Variants in TMCC2 observed in about 807,000 individuals in gnomAD.
The protein encoded by TMCC2 is transmembrane and coiled-coil domains protein 2.
Under a neutral mutation model 49.4 loss-of-function variants are expected in TMCC2, and 16 were observed. That is an observed-to-expected ratio of 0.32 (90% CI 0.22 to 0.49). The LOEUF is 0.49. TMCC2 is among the 20% of genes least tolerant of loss of function. The pLI is 0.99. For synonymous variants in TMCC2, 397 were observed against 434.1 expected (o/e 0.91, Z 1.06); for missense variants, 762 against 989.8 (o/e 0.77, Z 3.09).
At chr1:205,229,989 T>C (rs1215012285) in intron 1 of TMCC2, 1 of 985,508 alleles carries the variant, frequency 1.0e-6, no homozygotes, top group Non-Finnish European at 1.2e-6. Context: ...TGGAAATTGA[T>C]GCCTCACAGT....
chr1:205,268,105 G>T, intron 2 of TMCC2: 3 of 982,400 alleles, frequency 3.1e-6, no homozygotes, highest in Non-Finnish European at 3.6e-6. Context: ...AGGGTGGCCC[G>T]CTGAGCTGCG....
At chr1:205,247,765 C>T (rs1467548002) in intron 2 of TMCC2, among the ~76,000 whole-genome samples, 3 of 152,308 alleles carry the variant, frequency 2.0e-5, no homozygotes, top group Non-Finnish European at 4.4e-5. Context: ...CACTCCCCCA[C>T]ACCCCCTGCC....
chr1:205,261,128 CTGTTTTA>C (rs909277298), intron 2 of TMCC2, among the ~76,000 whole-genome samples: 25 of 151,196 alleles, frequency 1.7e-4, no homozygotes, highest in African/African-American at 5.8e-4. Flanking sequence ...ATCAGCTGTG[CTGTTTTA>C]TGTTTTAGGT....
chr1:205,229,546 G>GT (rs1491414914), intron 1 of TMCC2: 5,943 of 35,028 alleles, frequency 0.17, 128 homozygotes, highest in East Asian at 0.25. Flanking sequence ...GTGAAGGGGC[G>GT]GGGGGGGGGG....
At chr1:205,256,002 C>T (rs1660856690) in intron 2 of TMCC2, among the ~76,000 whole-genome samples, 1 of 152,160 alleles carries the variant, frequency 6.6e-6, no homozygotes, top group Non-Finnish European at 1.5e-5. Flanking sequence ...CAGCCAACCA[C>T]AAATGTTTGT....
At chr1:205,245,142 A>G (rs1474847146) in intron 2 of TMCC2, among the ~76,000 whole-genome samples, 3 of 152,154 alleles carry the variant, frequency 2.0e-5, no homozygotes, top group Admixed American at 6.5e-5. Context: ...GTGCAATGGC[A>G]GGGACCTCGA....
chr1:205,234,873 G>C (rs1193079326), intron 1 of TMCC2, among the ~76,000 whole-genome samples: 1 of 152,022 alleles, frequency 6.6e-6, no homozygotes, highest in Non-Finnish European at 1.5e-5. Flanking sequence ...TTGCCAGGCT[G>C]GTCTGAAACT....
chr1:205,256,345 C>T (rs1418700833), intron 2 of TMCC2: 10 of 1,550,650 alleles, frequency 6.4e-6, no homozygotes, highest in Non-Finnish European at 5.2e-6. Flanking sequence ...GACCTCTGTC[C>T]CCCTCTGCTG....
chr1:205,239,545 A>G (rs1351328539), intron 1 of TMCC2, among the ~76,000 whole-genome samples: 2 of 152,194 alleles, frequency 1.3e-5, no homozygotes, highest in African/African-American at 4.8e-5. Flanking sequence ...TTGAGAAGGA[A>G]TCATGGTAGC....
intron 2 of TMCC2, among the ~76,000 whole-genome samples, chr1:205,255,417 T>A (rs904574071): frequency 6.6e-6 from 1 of 151,958 alleles, no homozygotes; most frequent in Admixed American, 6.6e-5. Context: ...TAGCTGGGCG[T>A]GGTGGTGCAC....
At chr1:205,251,702 C>T (rs1307655972) in intron 2 of TMCC2, among the ~76,000 whole-genome samples, 1 of 152,236 alleles carries the variant, frequency 6.6e-6, no homozygotes. Context: ...TGTGCCTGTC[C>T]ACTGACTTCT....
Position 205,264,258 on chromosome 1 carries a change from A to G in TMCC2, c.748-4692A>G, listed in dbSNP as rs1661230134. Among the ~76,000 whole-genome samples, 1 of 152,222 alleles carries G rather than the reference A, an allele frequency of 6.6e-6. No homozygotes were observed. Among genetic ancestry groups the G allele is most frequent in the Non-Finnish European group, 1.5e-5 (1 of 68,042 alleles). On this transcript the variant is annotated intron_variant, in intron 2 of 4. Transcript: ENST00000358024. The surrounding 1 kb of genome is among the most constrained non-coding windows in gnomAD (Gnocchi z 4.2). ...AAATCATCTCTAGATTACGTACAAT[A>G]CCTAGTACAATGTAAATACTATGAA...
chr1:205,229,800 G>GA, intron 1 of TMCC2: 1 of 985,426 alleles, frequency 1.0e-6, no homozygotes, highest in Non-Finnish European at 1.2e-6. Context: ...TTTCCGGCCT[G>GA]AGGTTGCCGA....
intron 2 of TMCC2, among the ~76,000 whole-genome samples, chr1:205,251,208 G>T (rs1047982423): frequency 6.6e-6 from 1 of 152,186 alleles, no homozygotes; most frequent in Non-Finnish European, 1.5e-5. Context: ...GGAATCAGAA[G>T]CTCCCCTGAG....
In TMCC2 at chr1:205,241,886, C is replaced by A; in HGVS notation, c.589C>A (p.Leu197Met). The change falls in exon 2 of 5, where the codon CTG (leucine) becomes ATG (methionine). Residue 197 changes from leucine (L) to methionine (M), a missense_variant. Physicochemically the swap from Leu to Met is conservative, Grantham distance 15 (BLOSUM62 2). Around this residue, in one of 2 missense-constraint regions of TMCC2, gnomAD observed 322 missense variants for 353.1 expected, o/e 0.91. Transcript: ENST00000358024. This position sits in a 1 kb window ranked among gnomAD's most constrained non-coding sequence, Gnocchi z 7.3. ...GGAGCCCCAGCGTGGCAGCCCTCAC[C>A]TGCTGCGCAAGGCCCCCCAGGACAG... ...SLEPQRGSPH[L>M]LRKAPQDSSL... 1 of 1,607,266 alleles carries A rather than the reference C, an allele frequency of 6.2e-7. No homozygotes were observed. The highest frequency in any genetic ancestry group is 2.2e-5 in the East Asian group (1 of 44,676).
chr1:205,234,668 AT>A (rs369464059), intron 1 of TMCC2, among the ~76,000 whole-genome samples: 3,772 of 147,804 alleles, frequency 0.026, 63 homozygotes, highest in East Asian at 0.069. Flanking sequence ...TTAGAGCAAG[AT>A]TTTTTTTTTT....
chr1:205,228,741 A>C lies in TMCC2; in HGVS notation c.177A>C (p.Pro59=), dbSNP rs751832305. The change falls in exon 1 of 5, where the codon CCA becomes CCC. Residue 59 remains proline, a synonymous_variant. Transcript: ENST00000358024. Reference sequence around the variant, plus strand: ...CCGGCGCTGCCGCGGCGCCCAACCCAGGTCCCCGAAGCAAGCCTCCTGATT... The same window carrying C: ...CCGGCGCTGCCGCGGCGCCCAACCCCGGTCCCCGAAGCAAGCCTCCTGATT... ...SDAGAAAAPN[P]GPRSKPPDLK... The C allele has an allele frequency of 6.2e-7, 1 of 1,609,062 alleles. No individual in the cohort carries two copies. Among genetic ancestry groups the C allele is most frequent in the Middle Eastern group, 1.7e-4 (1 of 5,766 alleles).
rs910160085 is a variant in TMCC2 at position 205,241,691 on chromosome 1, G to A, written c.394G>A (p.Val132Ile). The A allele has an allele frequency of 5.0e-6, 8 of 1,613,582 alleles. No individual in the cohort carries two copies. The highest frequency in any genetic ancestry group is 1.7e-5 in the Admixed American group (1 of 59,994). Residue 132 changes from valine to isoleucine, a missense_variant, in exon 2 of 5, where the codon GTC becomes ATC. Val to Ile is a conservative substitution (Grantham distance 29). Around this residue, in one of 2 missense-constraint regions of TMCC2, gnomAD observed 322 missense variants for 353.1 expected, o/e 0.91. Coordinates refer to ENST00000358024, the MANE Select transcript of TMCC2 (RefSeq NM_014858.4). This position sits in a 1 kb window ranked among gnomAD's most constrained non-coding sequence, Gnocchi z 7.3. ...GGAGCGCTCTCCGGAGATGCATCGC[G>A]TCTCCTACGCCATGTCCCTGCACGA... ...EKERSPEMHR[V>I]SYAMSLHDLP... is the part of the protein sequence containing the mutation.
rs1448283787 is a variant in TMCC2, at chr1:205,250,677, T to C, written c.747+8633T>C. Among the ~76,000 whole-genome samples the C allele has an allele frequency of 3.3e-5, 5 of 152,156 alleles. No homozygotes were observed. The East Asian group carries it at 9.6e-4, about 29-fold the overall frequency. On this transcript the variant is annotated intron_variant, in intron 2 of 4. Transcript: ENST00000358024. ...CTAGCCAAGATGTAAGGTCATGCCT[T>C]GTTGACGCCTTTGTCCCTAAGCTCA...
Sources: allele counts gnomAD v4.1 joint callset (sites outside exome capture counted in the v4.1 genomes callset), GRCh38; gene constraint gnomAD v4.1.1; regional missense constraint gnomAD v4.1.1; non-coding constraint Gnocchi (gnomAD v3.1); transcripts MANE v1.5; gene names NCBI Gene and HGNC (gene_info 2026-07-23, HGNC 2026-07-21).